Variants in CEP43 observed in about 807,000 individuals in gnomAD.
CEP43 encodes the protein FGFR1 oncogene partner.
Under a neutral mutation model 52.6 loss-of-function variants are expected in CEP43, and 36 were observed. The observed-to-expected ratio is 0.68, with a 90% CI of 0.52 to 0.90. The LOEUF (loss-of-function observed/expected upper bound fraction) is 0.90, where lower values mean the gene tolerates loss of function less well. CEP43 is among the 40% of genes least tolerant of loss of function. CEP43 has a pLI of 0.00. For synonymous variants in CEP43, 192 were observed against 172.4 expected (o/e 1.11, Z -0.89); for missense variants, 506 against 472.8 (o/e 1.07, Z -0.65).
intron 11 of CEP43, 110 bp downstream of exon 11, chr6:167,032,752 CTGT>C: frequency 1.0e-6 from 1 of 974,426 alleles, no homozygotes. Context: ...GTATTTGATT[CTGT>C]TGTTCATATT....
At chr6:167,029,040 A>T (rs112365303) in intron 10 of CEP43, among the ~76,000 whole-genome samples, 52 of 152,348 alleles carry the variant, frequency 3.4e-4, no homozygotes, top group African/African-American at 1.2e-3. Context: ...TGTGGATGGC[A>T]TGTACTGTCT....
chr6:167,028,042 TC>T (rs1780391121), intron 10 of CEP43: 2 of 985,544 alleles, frequency 2.0e-6, no homozygotes, highest in Non-Finnish European at 2.4e-6. Flanking sequence ...TCAGCTGTGG[TC>T]ATGGTTGCCA....
At position 167,043,843 on chromosome 6, in the gene CEP43, C is replaced by G. The variant is rs2114856628; in HGVS notation, c.*3865C>G. ...TCATGAAAGACAGATGAACAAAGAA[C>G]TGATCTTGAAGAAAATGTAATCAGG... On this transcript the variant is annotated 3_prime_UTR_variant, in exon 13 of 13. Transcript: ENST00000366847. The G allele has an allele frequency of 6.6e-6, 1 of 152,274 alleles. No homozygotes were observed. The highest frequency in any genetic ancestry group is 1.5e-5 in the Non-Finnish European group (1 of 68,014). 9.4% of individuals were successfully genotyped at this position (152,274 alleles called of 1,614,324 possible). A position where few individuals can be genotyped will look rare whatever the true frequency, so the allele number is the denominator to read the frequency against.
At chr6:167,033,229 G>A (rs1346150826) in intron 11 of CEP43, among the ~76,000 whole-genome samples, 1 of 144,490 alleles carries the variant, frequency 6.9e-6, no homozygotes, top group Non-Finnish European at 1.5e-5. Context: ...TCCTGCCTCA[G>A]CTTCCCATGT....
At chr6:167,024,186 C>T (rs1583284243) in intron 8 of CEP43, among the ~76,000 whole-genome samples, 3 of 152,008 alleles carry the variant, frequency 2.0e-5, no homozygotes, top group Non-Finnish European at 4.4e-5. Flanking sequence ...GATGGTGGCA[C>T]CTGTGCAAGC....
At chr6:167,007,449 C>T (rs537854190) in intron 5 of CEP43, among the ~76,000 whole-genome samples, 2 of 152,276 alleles carry the variant, frequency 1.3e-5, no homozygotes, top group Non-Finnish European at 2.9e-5. Context: ...TTGGGCATCT[C>T]ATCTCCATTT....
rs540563652 is a variant in CEP43, at chr6:167,022,584, G to A, written c.755G>A (p.Gly252Glu). The change falls in exon 8 of 13, where the codon GGA becomes GAA. Residue 252 changes from glycine (G) to glutamate (E), a missense_variant. Physicochemically the swap from Gly to Glu is moderately conservative, Grantham distance 98. Coordinates refer to ENST00000366847, the MANE Select transcript of CEP43 (RefSeq NM_007045.4). ...TGTCCAGATGAAGATGATATGGAAG[G>A]AGATTCTTTCTTTGATGATCCCATT... is the stretch of plus-strand genomic sequence containing the variant. ...GLCPDEDDME[G>E]DSFFDDPIPK... is the part of the protein sequence containing the mutation. The A allele has an allele frequency of 3.1e-6, 5 of 1,614,124 alleles. No homozygotes were observed. In the African/African-American group the frequency reaches 5.3e-5, roughly 17 times the overall value.
rs1235900419 is a variant in CEP43 at position 167,021,401 on chromosome 6, TAGAA to T, written c.580-1005_580-1002del. Among the ~76,000 whole-genome samples, 13 of 152,352 alleles carry T rather than the reference TAGAA, an allele frequency of 8.5e-5. 1 individual carries two copies. In the East Asian group the frequency reaches 9.6e-4, roughly 11 times the overall value. ...GTGTTTCCTGATTTATATCCACAGA[TAGAA>T]AGCCATCTCCAGATCCTAGGGCCAT... On this transcript the variant is annotated intron_variant, in intron 7 of 12. Transcript: ENST00000366847.
At chr6:167,015,209 C>T (rs1422314700) in intron 7 of CEP43, among the ~76,000 whole-genome samples, 1 of 152,182 alleles carries the variant, frequency 6.6e-6, no homozygotes, top group Admixed American at 6.5e-5. Context: ...TCTTCTATTT[C>T]ATTGTTGTGT....
In CEP43 at chr6:167,049,055, T is replaced by A. The variant is rs1444714961; in HGVS notation, c.*9077T>A. ...AAAGATATTTTTAAAATCATTGTCCTATGGAAAAGTCATATAGAACGTTTG... is the reference window on the plus strand; with the variant it reads ...AAAGATATTTTTAAAATCATTGTCCAATGGAAAAGTCATATAGAACGTTTG... On this transcript the variant is annotated 3_prime_UTR_variant, in exon 13 of 13. Transcript: ENST00000366847. 1 of 152,256 alleles carries A rather than the reference T, an allele frequency of 6.6e-6. No individual in the cohort carries two copies. Among genetic ancestry groups the A allele is most frequent in the African/African-American group, 2.4e-5 (1 of 41,472 alleles). The allele number at this position is 152,256 out of a possible 1,614,324, so 9.4% of individuals were successfully genotyped here. A position where few individuals can be genotyped will look rare whatever the true frequency, so the allele number is the denominator to read the frequency against.
intron 7 of CEP43, among the ~76,000 whole-genome samples, chr6:167,014,866 T>C (rs1453955860): frequency 6.6e-6 from 1 of 152,352 alleles, no homozygotes; most frequent in East Asian, 1.9e-4. Context: ...GAGACATACC[T>C]TAAGTAAGAT....
At chr6:167,014,862 T>A (rs1393085869) in intron 7 of CEP43, among the ~76,000 whole-genome samples, 2 of 152,240 alleles carry the variant, frequency 1.3e-5, no homozygotes, top group Non-Finnish European at 2.9e-5. Flanking sequence ...AGATGAGACA[T>A]ACCTTAAGTA....
Position 167,051,600 on chromosome 6 carries a change from A to G in CEP43, c.*11622A>G, listed in dbSNP as rs1044382296. 1.3e-5 allele frequency: 2 copies of G among 152,086 alleles called. No individual in the cohort carries two copies. Among genetic ancestry groups the G allele is most frequent in the Non-Finnish European group, 2.9e-5 (2 of 68,000 alleles). The allele number at this position is 152,086 out of a possible 1,614,324, so 9.4% of individuals were successfully genotyped here. ...AGTTCTGTCATGTTCTGCTTCTTAT[A>G]TTTTGGAACTCTGTTGTTAGGTGCA... On this transcript the variant is annotated 3_prime_UTR_variant, in exon 13 of 13. Coordinates refer to ENST00000366847, the MANE Select transcript of CEP43 (RefSeq NM_007045.4).
intron 7 of CEP43, among the ~76,000 whole-genome samples, chr6:167,020,014 A>G (rs561127859): frequency 6.6e-6 from 1 of 152,368 alleles, no homozygotes; most frequent in African/African-American, 2.4e-5. Context: ...TAAATATCAC[A>G]TCAGGGTATT....
At chr6:167,037,958 T>C (rs1020159638) in intron 12 of CEP43, among the ~76,000 whole-genome samples, 1 of 152,168 alleles carries the variant, frequency 6.6e-6, no homozygotes, top group African/African-American at 2.4e-5. Flanking sequence ...GCCACAACAA[T>C]GAGTCTAGGT....
At chr6:167,006,114 G>T (rs1779846059) in intron 5 of CEP43, among the ~76,000 whole-genome samples, 1 of 152,184 alleles carries the variant, frequency 6.6e-6, no homozygotes, top group Non-Finnish European at 1.5e-5. Context: ...AGGTCTGGAG[G>T]GGGTCTGAGG....
intron 11 of CEP43, 110 bp from the exon 12 acceptor site, chr6:167,033,762 ATAT>A: frequency 2.0e-6 from 1 of 495,590 alleles, no homozygotes; most frequent in Non-Finnish European, 3.5e-6. Flanking sequence ...ATTATAGTTA[ATAT>A]TATATTTTAC....
intron 5 of CEP43, among the ~76,000 whole-genome samples, chr6:167,010,033 A>C (rs1330983804): frequency 1.3e-5 from 2 of 152,216 alleles, no homozygotes; most frequent in Non-Finnish European, 2.9e-5. Context: ...GTGGGACTGA[A>C]GAGGGAGAAC....
In CEP43 at chr6:167,010,823, A is replaced by T. The variant is rs974145018; in HGVS notation, c.449A>T (p.Asp150Val). The stretch of plus-strand genomic sequence containing the variant: ...ACTAAAATATTTTAGGGTGCACTTG[A>T]TCTATCTGATGTACATTCTCCACCA... ...KGPTTGEGAL[D>V]LSDVHSPPKS... Residue 150 changes from aspartate (D) to valine (V), a missense_variant, in exon 6 of 13, where the codon GAT becomes GTT. Physicochemically the swap from Asp to Val is radical, Grantham distance 152. Coordinates refer to ENST00000366847, the MANE Select transcript of CEP43 (RefSeq NM_007045.4). 2 of 1,559,746 alleles carry T rather than the reference A, an allele frequency of 1.3e-6. No homozygotes were observed. Among genetic ancestry groups the T allele is most frequent in the Non-Finnish European group, 1.7e-6 (2 of 1,152,396 alleles).
Sources: gnomAD v4.1 joint callset for allele counts (sites outside exome capture counted in the v4.1 genomes callset) on GRCh38, gnomAD v4.1.1 for gene constraint, MANE v1.5 for transcripts, NCBI Gene and HGNC (gene_info 2026-07-23, HGNC 2026-07-21) for gene names.